THSD4: variants seen among roughly 807,000 people sequenced by gnomAD.
THSD4 encodes thrombospondin type-1 domain-containing protein 4.
THSD4 carries 69 observed loss-of-function variants against 119.0 expected under a neutral mutation model. That is an observed-to-expected ratio of 0.58 (90% CI 0.48 to 0.71). The LOEUF is 0.71. THSD4 is among the 30% of genes least tolerant of loss of function. The pLI is 0.00. For missense variants in THSD4, 1,393 were observed against 1,391.1 expected (o/e 1.00, Z -0.02); for synonymous variants, 524 against 540.4 (o/e 0.97, Z 0.42).
chr15:71,231,609 T>C (rs1174105397), intron 4 of THSD4, among the ~76,000 whole-genome samples: 1 of 152,150 alleles, frequency 6.6e-6, no homozygotes, highest in Non-Finnish European at 1.5e-5. Flanking sequence ...GGGGTCCTTC[T>C]TTCCTAAAGG....
At chr15:71,255,077 G>A (rs1434434575) in intron 5 of THSD4, among the ~76,000 whole-genome samples, 1 of 152,090 alleles carries the variant, frequency 6.6e-6, no homozygotes, top group Admixed American at 6.5e-5. Context: ...TCATCTTCCG[G>A]GAGACCTAAT....
intron 17 of THSD4, among the ~76,000 whole-genome samples, chr15:71,775,816 G>A (rs2053902875): frequency 6.6e-6 from 1 of 152,188 alleles, no homozygotes; most frequent in Non-Finnish European, 1.5e-5. Flanking sequence ...ACCATGTTGA[G>A]GGACTTTTCC....
chr15:71,586,081 A>C (rs2049663774), intron 7 of THSD4, among the ~76,000 whole-genome samples: 2 of 152,040 alleles, frequency 1.3e-5, no homozygotes, highest in Admixed American at 6.6e-5. Context: ...CCATTTCTTT[A>C]GGGTTGGTTA....
intron 7 of THSD4, among the ~76,000 whole-genome samples, chr15:71,449,978 A>C (rs186145724): frequency 3.3e-5 from 5 of 152,240 alleles, no homozygotes; most frequent in African/African-American, 1.2e-4. Flanking sequence ...TTAAGGTCCT[A>C]TGACAATGCA....
chr15:71,240,671 C>G (rs1325389825), intron 4 of THSD4, among the ~76,000 whole-genome samples: 1 of 152,104 alleles, frequency 6.6e-6, no homozygotes, highest in Non-Finnish European at 1.5e-5. Context: ...GGTAGACTTT[C>G]AGATCTTAAA....
At chr15:71,361,378 C>G (rs2045890017) in intron 6 of THSD4, among the ~76,000 whole-genome samples, 1 of 152,176 alleles carries the variant, frequency 6.6e-6, no homozygotes, top group Non-Finnish European at 1.5e-5. Flanking sequence ...ACATACAGTT[C>G]TTAAAGGTGC....
intron 6 of THSD4, among the ~76,000 whole-genome samples, chr15:71,367,088 C>T (rs2045975099): frequency 6.6e-6 from 1 of 152,132 alleles, no homozygotes; most frequent in African/African-American, 2.4e-5. Context: ...GTATAGCGGT[C>T]CTTCAAAATG....
intron 7 of THSD4, among the ~76,000 whole-genome samples, chr15:71,468,069 G>A (rs1318864071): frequency 6.6e-6 from 1 of 151,948 alleles, no homozygotes; most frequent in South Asian, 2.1e-4. Context: ...GGCTGGTCTC[G>A]AACTGCTGAC....
intron 7 of THSD4, among the ~76,000 whole-genome samples, chr15:71,592,097 G>T (rs1343466889): frequency 1.3e-5 from 2 of 152,200 alleles, no homozygotes; most frequent in African/African-American, 4.8e-5. Flanking sequence ...TTGAGCTACG[G>T]TTTTTCTCCA....
chr15:71,775,207 A>C (rs2140254810), intron 17 of THSD4, among the ~76,000 whole-genome samples: 1 of 152,342 alleles, frequency 6.6e-6, no homozygotes, highest in Non-Finnish European at 1.5e-5. Context: ...TTATTTAATT[A>C]TGTTCCAGCA....
intron 7 of THSD4, among the ~76,000 whole-genome samples, chr15:71,519,562 G>T (rs561475389): frequency 6.6e-6 from 1 of 152,108 alleles, no homozygotes; most frequent in African/African-American, 2.4e-5. Context: ...GTGTTTCACC[G>T]TGTTGGCCAG....
chr15:71,431,671 C>T (rs1192319957), intron 7 of THSD4, among the ~76,000 whole-genome samples: 3 of 152,106 alleles, frequency 2.0e-5, no homozygotes, highest in Admixed American at 6.6e-5. Context: ...AACTTACAGA[C>T]AGAAACGTGG....
intron 7 of THSD4, among the ~76,000 whole-genome samples, chr15:71,578,526 A>G (rs1334867502): frequency 6.6e-6 from 1 of 151,926 alleles, no homozygotes; most frequent in Admixed American, 6.6e-5. Flanking sequence ...TGGTGGTGAC[A>G]GGATTTCGCC....
chr15:71,206,156 T>C (rs8041028), intron 3 of THSD4, among the ~76,000 whole-genome samples: 150,218 of 152,260 alleles, frequency 0.99, 74,133 homozygotes, highest in Middle Eastern at 1. Flanking sequence ...GGATTACAAG[T>C]GTGCACCACC....
chr15:71,744,036 G>A (rs531337165), intron 11 of THSD4, among the ~76,000 whole-genome samples: 3 of 152,182 alleles, frequency 2.0e-5, no homozygotes, highest in African/African-American at 4.8e-5. Flanking sequence ...GCATCTTCCC[G>A]TGGTTGGTTC....
intron 6 of THSD4, among the ~76,000 whole-genome samples, chr15:71,313,514 G>GTATT (rs1567192059): frequency 6.6e-6 from 1 of 152,140 alleles, no homozygotes; most frequent in East Asian, 1.9e-4. Flanking sequence ...AGAGCATTAG[G>GTATT]ACACACAGCT....
At chr15:71,601,163 G>A (rs1451152096) in intron 7 of THSD4, among the ~76,000 whole-genome samples, 1 of 152,182 alleles carries the variant, frequency 6.6e-6, no homozygotes, top group African/African-American at 2.4e-5. Context: ...CGAGATTTGA[G>A]TCCAGGCTCA....
chr15:71,439,744 T>G (rs2047065075), intron 7 of THSD4, among the ~76,000 whole-genome samples: 1 of 152,186 alleles, frequency 6.6e-6, no homozygotes, highest in South Asian at 2.1e-4. Context: ...ACCATCATTC[T>G]CAGCAAACTA....
chr15:71,693,159 A>G (rs1472333924), intron 8 of THSD4, among the ~76,000 whole-genome samples: 1 of 152,214 alleles, frequency 6.6e-6, no homozygotes, highest in Non-Finnish European at 1.5e-5. Flanking sequence ...AAGGAAAATC[A>G]GGAAAACCTT....
Sources: gnomAD v4.1 joint callset for allele counts (sites outside exome capture counted in the v4.1 genomes callset) on GRCh38, gnomAD v4.1.1 for gene constraint, MANE v1.5 for transcripts, NCBI Gene and HGNC (gene_info 2026-07-23, HGNC 2026-07-21) for gene names.